The following PEBP4 variants were observed in gnomAD, a reference collection of about 807,000 sequenced individuals.
PEBP4 encodes the protein phosphatidylethanolamine binding protein 4.
PEBP4 carries 22 observed loss-of-function variants against 23.9 expected under a neutral mutation model. That is an observed-to-expected ratio of 0.92 (90% CI 0.66 to 1.31). The LOEUF is 1.31. Among genes scored for constraint, PEBP4 ranks in the 40% most tolerant of loss-of-function variants. The pLI is 0.00. For synonymous variants in PEBP4, 112 were observed against 99.3 expected (o/e 1.13, Z -0.76); for missense variants, 324 against 281.7 (o/e 1.15, Z -1.07).
intron 4 of PEBP4, among the ~76,000 whole-genome samples, chr8:22,805,322 GTGTTT>G (rs111548827): frequency 1.4e-3 from 217 of 152,196 alleles, no homozygotes; most frequent in Middle Eastern, 6.8e-3. Context: ...TAGCAATCGC[GTGTTT>G]TGTTTTGTTT....
intron 4 of PEBP4, among the ~76,000 whole-genome samples, chr8:22,809,226 T>C (rs143810435): frequency 6.6e-6 from 1 of 152,298 alleles, no homozygotes; most frequent in African/African-American, 2.4e-5. Context: ...AGGTCGACTT[T>C]AGTTTCCTCT....
chr8:22,885,095 A>G (rs1305658081), intron 3 of PEBP4: 2 of 152,176 alleles, frequency 1.3e-5, no homozygotes, highest in Admixed American at 1.3e-4. Context: ...GGTGCATTCA[A>G]TGCAATGCAA....
At chr8:22,729,349 G>T (rs1251630589) in intron 4 of PEBP4, among the ~76,000 whole-genome samples, 8 of 152,258 alleles carry the variant, frequency 5.3e-5, no homozygotes, top group Non-Finnish European at 1.0e-4. Flanking sequence ...AGTCAGCCCA[G>T]CCAGCGGTTG....
chr8:22,763,029 G>A (rs777204835), intron 4 of PEBP4, among the ~76,000 whole-genome samples: 25 of 150,750 alleles, frequency 1.7e-4, no homozygotes, highest in East Asian at 7.7e-4. Flanking sequence ...TTTTGAGATC[G>A]GGTCTTGCTC....
chr8:22,880,060 G>C (rs1808212660), intron 3 of PEBP4, among the ~76,000 whole-genome samples: 1 of 152,186 alleles, frequency 6.6e-6, no homozygotes, highest in African/African-American at 2.4e-5. Flanking sequence ...GCTTCAAGTG[G>C]GAATAGCTCT....
chr8:22,728,569 T>C (rs956250661), intron 4 of PEBP4, among the ~76,000 whole-genome samples: 5 of 115,928 alleles, frequency 4.3e-5, no homozygotes, highest in African/African-American at 1.6e-4. Context: ...TCTTCCTTCC[T>C]TCCTTCCTTC....
At chr8:22,928,949 GC>G (rs1809409579), upstream of PEBP4, among the ~76,000 whole-genome samples, 1 of 152,120 alleles carries the variant, frequency 6.6e-6, no homozygotes, top group African/African-American at 2.4e-5. Flanking sequence ...GTAGCAAAAA[GC>G]CCCCCTTAGG....
At chr8:22,920,123 C>A (rs1345337599) in intron 3 of PEBP4, 61 bp downstream of exon 3, 19 of 1,576,588 alleles carry the variant, frequency 1.2e-5, no homozygotes, top group Non-Finnish European at 1.6e-5. Flanking sequence ...GATGAGCAAG[C>A]CTGGAGGAAC....
chr8:22,763,357 C>T (rs1805548913), intron 4 of PEBP4, among the ~76,000 whole-genome samples: 1 of 152,180 alleles, frequency 6.6e-6, no homozygotes, highest in Non-Finnish European at 1.5e-5. Flanking sequence ...TCCACAATAT[C>T]CCCAACCAAA....
chr8:22,743,440 T>C (rs2048651), intron 4 of PEBP4, among the ~76,000 whole-genome samples: 92,899 of 152,170 alleles, frequency 0.61, 28,876 homozygotes, highest in East Asian at 0.72. Flanking sequence ...GCCCTCATTT[T>C]ATGGACCCGT....
intron 3 of PEBP4, among the ~76,000 whole-genome samples, chr8:22,838,388 C>T (rs767685386): frequency 9.2e-5 from 14 of 152,110 alleles, no homozygotes; most frequent in East Asian, 1.9e-4. Context: ...AAATTTTTGG[C>T]CACAGAGCTG....
intron 4 of PEBP4, chr8:22,757,957 G>T (rs967886966): frequency 1.3e-5 from 2 of 152,246 alleles, no homozygotes; most frequent in African/African-American, 4.8e-5. Context: ...CAGGTGCGAT[G>T]AAAAGAACAC....
intron 3 of PEBP4, among the ~76,000 whole-genome samples, chr8:22,830,119 G>GTGTT (rs1361342027): frequency 6.6e-6 from 1 of 151,222 alleles, no homozygotes; most frequent in Admixed American, 6.6e-5. Context: ...GGTTTTGTGT[G>GTGTT]TGTGTGTGTG....
At chr8:22,797,273 G>T (rs961281826) in intron 4 of PEBP4, among the ~76,000 whole-genome samples, 5 of 123,744 alleles carry the variant, frequency 4.0e-5, no homozygotes, top group African/African-American at 1.5e-4. Context: ...AAAAAAAAAA[G>T]ACAGAAAGAA....
intron 3 of PEBP4, among the ~76,000 whole-genome samples, chr8:22,867,505 G>A (rs979601766): frequency 3.9e-5 from 6 of 152,134 alleles, no homozygotes; most frequent in African/African-American, 1.2e-4. Flanking sequence ...CGGAAGGCAG[G>A]TCTTGTCCTC....
intron 3 of PEBP4, chr8:22,884,724 C>A (rs1158393967): frequency 6.6e-6 from 1 of 152,266 alleles, no homozygotes; most frequent in East Asian, 1.9e-4. Flanking sequence ...TTGTCCCCAG[C>A]CTTCACATAA....
intron 4 of PEBP4, among the ~76,000 whole-genome samples, chr8:22,780,583 C>G (rs1407334466): frequency 1.3e-5 from 2 of 152,156 alleles, no homozygotes; most frequent in African/African-American, 4.8e-5. Context: ...GGCTGCCCAC[C>G]AGAGGATGCC....
chr8:22,924,362 C>G (rs1440827052), intron 2 of PEBP4, among the ~76,000 whole-genome samples: 1 of 152,022 alleles, frequency 6.6e-6, no homozygotes, highest in Non-Finnish European at 1.5e-5. Flanking sequence ...GACTCTGTCT[C>G]TAAAAGAAAT....
At chr8:22,714,731 C>T (rs1326298059) in intron 6 of PEBP4, among the ~76,000 whole-genome samples, 2 of 152,066 alleles carry the variant, frequency 1.3e-5, no homozygotes, top group South Asian at 4.2e-4. Context: ...GACTCACGGG[C>T]CACCCACCCT....
Sources: gnomAD v4.1 joint callset for allele counts (sites outside exome capture counted in the v4.1 genomes callset) on GRCh38, gnomAD v4.1.1 for gene constraint, MANE v1.5 for transcripts, NCBI Gene and HGNC (gene_info 2026-07-23, HGNC 2026-07-21) for gene names.